Variants in ARMC8 observed in about 807,000 individuals in gnomAD.
ARMC8 encodes armadillo repeat-containing protein 8.
A neutral mutation model predicts 99.3 loss-of-function variants in ARMC8; 20 were observed. The ratio of observed to expected loss-of-function variants is 0.20; its 90% CI spans 0.14 to 0.29. The LOEUF (loss-of-function observed/expected upper bound fraction) is 0.29, where lower values mean the gene tolerates loss of function less well. Ranked by LOEUF, ARMC8 falls within the 10% of genes least tolerant of loss-of-function variation. ARMC8 has a pLI of 1.00. For missense variants in ARMC8, 569 were observed against 809.5 expected (o/e 0.70, Z 3.60); for synonymous variants, 263 against 278.3 (o/e 0.95, Z 0.55).
chr3:138,216,073 G>T (rs2108052589), intron 2 of ARMC8, among the ~76,000 whole-genome samples: 1 of 143,050 alleles, frequency 7.0e-6, no homozygotes, highest in Non-Finnish European at 1.5e-5. Context: ...TTTTTAAGTA[G>T]AGATGGGGTT....
chr3:138,232,281 C>A (rs2046090946), intron 6 of ARMC8, among the ~76,000 whole-genome samples: 2 of 151,990 alleles, frequency 1.3e-5, no homozygotes, highest in Non-Finnish European at 1.5e-5. Flanking sequence ...TAGCCCCTTA[C>A]AACTGCTTTT....
At chr3:138,205,839 A>G (rs146585810) in intron 1 of ARMC8, among the ~76,000 whole-genome samples, 1 of 152,180 alleles carries the variant, frequency 6.6e-6, no homozygotes, top group Non-Finnish European at 1.5e-5. Flanking sequence ...ATTTCCCTAA[A>G]CCCTCTAATG....
chr3:138,223,612 C>T, intron 4 of ARMC8, 24 bp from the exon 5 acceptor site: 3 of 1,613,760 alleles, frequency 1.9e-6, no homozygotes, highest in Non-Finnish European at 2.5e-6. Context: ...AAGGATTAGT[C>T]CTAAATCTCA....
chr3:138,263,640 CG>C, intron 12 of ARMC8, 98 bp from the exon 13 acceptor site: 1 of 1,095,416 alleles, frequency 9.1e-7, no homozygotes, highest in Non-Finnish European at 1.4e-6. Context: ...CCAAAAACAA[CG>C]TTAAACTTTT....
intron 6 of ARMC8, among the ~76,000 whole-genome samples, chr3:138,233,429 CT>C (rs2046163256): frequency 6.6e-6 from 1 of 152,154 alleles, no homozygotes; most frequent in African/African-American, 2.4e-5. Flanking sequence ...CAACAAAACA[CT>C]GCTTATAGCA....
At chr3:138,285,695 A>C (rs563332815) in intron 19 of ARMC8, among the ~76,000 whole-genome samples, 1 of 152,276 alleles carries the variant, frequency 6.6e-6, no homozygotes, top group East Asian at 1.9e-4. Context: ...GGGTGTCTTT[A>C]CCACAGCGTA....
Position 138,297,441 on chromosome 3 carries a change from G to A in ARMC8, c.*1549G>A, listed in dbSNP as rs1450572631. ...CAAGGTCTGCGGTCCAGAAGCTTGC[G>A]GTGAGTGTGTGCCACTGATGGAGCT... On this transcript the variant is annotated 3_prime_UTR_variant, in exon 22 of 22. Coordinates refer to ENST00000469044, the MANE Select transcript of ARMC8 (RefSeq NM_001363941.2). 4 of 152,274 alleles carry A rather than the reference G, an allele frequency of 2.6e-5. No individual in the cohort carries two copies. Among genetic ancestry groups the A allele is most frequent in the East Asian group, 1.9e-4 (1 of 5,184 alleles). 9.4% of individuals were successfully genotyped at this position (152,274 alleles called of 1,614,324 possible).
chr3:138,189,802 C>T (rs970032284), intron 1 of ARMC8, among the ~76,000 whole-genome samples: 2 of 152,228 alleles, frequency 1.3e-5, no homozygotes, highest in African/African-American at 2.4e-5. Flanking sequence ...TCTTCTACAT[C>T]TAGTCTTACA....
chr3:138,280,325 A>AT (rs1392766667), intron 18 of ARMC8, among the ~76,000 whole-genome samples: 3 of 148,860 alleles, frequency 2.0e-5, no homozygotes, highest in African/African-American at 4.9e-5. Context: ...TATTATTATT[A>AT]TATATATTTT....
intron 18 of ARMC8, 107 bp downstream of exon 18, chr3:138,274,651 T>C: frequency 1.3e-6 from 1 of 761,564 alleles, no homozygotes; most frequent in African/African-American, 1.7e-5. Context: ...AGTGCTGAGA[T>C]GGGAGATGCT....
intron 18 of ARMC8, among the ~76,000 whole-genome samples, chr3:138,283,545 T>C (rs1197554742): frequency 2.0e-5 from 3 of 152,346 alleles, no homozygotes; most frequent in East Asian, 1.9e-4. Flanking sequence ...TGTTTTTTTT[T>C]CCTGCCTCAT....
intron 12 of ARMC8, among the ~76,000 whole-genome samples, chr3:138,259,836 T>G (rs572232658): frequency 3.3e-5 from 5 of 152,220 alleles, no homozygotes; most frequent in Non-Finnish European, 7.3e-5. Flanking sequence ...TTACAGTGAT[T>G]GAGCCCTAAT....
At chr3:138,293,021 G>A (rs2051119752) in intron 21 of ARMC8, among the ~76,000 whole-genome samples, 1 of 152,154 alleles carries the variant, frequency 6.6e-6, no homozygotes, top group South Asian at 2.1e-4. Context: ...AGCCTTGCCT[G>A]ACCCACTCTC....
chr3:138,239,891 T>A (rs924914986), intron 10 of ARMC8, among the ~76,000 whole-genome samples: 3 of 152,130 alleles, frequency 2.0e-5, no homozygotes, highest in Admixed American at 6.5e-5. Context: ...ATTTGCCACT[T>A]TTGCAGAAAA....
At chr3:138,262,303 G>T in intron 12 of ARMC8, 1 of 480,572 alleles carries the variant, frequency 2.1e-6, no homozygotes, top group Non-Finnish European at 3.7e-6. Flanking sequence ...AATGGAATTA[G>T]GTTTGGTCTA....
intron 12 of ARMC8, among the ~76,000 whole-genome samples, chr3:138,261,026 C>G (rs1260588233): frequency 4.6e-5 from 7 of 152,194 alleles, no homozygotes; most frequent in Non-Finnish European, 1.0e-4. Flanking sequence ...AACTTTTGCC[C>G]TAGGCTTTTG....
rs1225697019 is a variant in ARMC8, at chr3:138,296,182, A to G, written c.*290A>G. The G allele has an allele frequency of 1.2e-5, 4 of 327,130 alleles. No individual in the cohort carries two copies. Among genetic ancestry groups the G allele is most frequent in the Admixed American group, 5.0e-5 (1 of 20,020 alleles). 20.3% of individuals were successfully genotyped at this position (327,130 alleles called of 1,614,324 possible). A position where few individuals can be genotyped will look rare whatever the true frequency, so the allele number is the denominator to read the frequency against. On this transcript the variant is annotated 3_prime_UTR_variant, in exon 22 of 22. Coordinates refer to ENST00000469044, the MANE Select transcript of ARMC8 (RefSeq NM_001363941.2). ...TCCTTTGGACCTACAATTTTTGCCT[A>G]TGCTGCAGCCACTTTGTGAGTGAGA...
At chr3:138,266,194 A>G (rs2048269952) in intron 14 of ARMC8, among the ~76,000 whole-genome samples, 1 of 152,138 alleles carries the variant, frequency 6.6e-6, no homozygotes, top group East Asian at 1.9e-4. Context: ...GACATATGTC[A>G]TCTCTTCTGA....
At chr3:138,187,627 C>T (rs2043135130) in intron 1 of ARMC8, 28 bp downstream of exon 1, 3 of 1,535,074 alleles carry the variant, frequency 2.0e-6, no homozygotes, top group Non-Finnish European at 2.6e-6. Flanking sequence ...GCCGCCCGCC[C>T]GCCCTCCAGG....
Sources: allele counts gnomAD v4.1 joint callset (sites outside exome capture counted in the v4.1 genomes callset), GRCh38; gene constraint gnomAD v4.1.1; transcripts MANE v1.5; gene names NCBI Gene and HGNC (gene_info 2026-07-23, HGNC 2026-07-21).